The following NARS2 variants were observed in gnomAD, a reference collection of about 807,000 sequenced individuals.
NARS2 encodes the protein asparaginyl-tRNA synthetase.
NARS2 carries 60 observed loss-of-function variants against 62.9 expected under a neutral mutation model. That is an observed-to-expected ratio of 0.95 (90% CI 0.77 to 1.18). The LOEUF is 1.18. Among genes scored for constraint, NARS2 ranks in the 50% most tolerant of loss-of-function variants. The pLI, the probability that NARS2 is intolerant of heterozygous loss-of-function variation, is 0.00. For synonymous variants in NARS2, 196 were observed against 200.0 expected (o/e 0.98, Z 0.17); for missense variants, 619 against 576.4 (o/e 1.07, Z -0.76).
intron 7 of NARS2, among the ~76,000 whole-genome samples, chr11:78,483,018 G>C (rs867702911): frequency 6.6e-6 from 1 of 152,112 alleles, no homozygotes; most frequent in African/African-American, 2.4e-5. Flanking sequence ...AAATCCAGCA[G>C]CACATCAAAA....
chr11:78,465,409 G>A (rs552013779), intron 11 of NARS2, among the ~76,000 whole-genome samples: 73 of 152,382 alleles, frequency 4.8e-4, no homozygotes, highest in African/African-American at 1.4e-3. Context: ...CGCCAAGGCC[G>A]AGGAGGCGCC....
intron 5 of NARS2, among the ~76,000 whole-genome samples, chr11:78,543,025 TA>T (rs1855687844): frequency 6.6e-6 from 1 of 151,778 alleles, no homozygotes; most frequent in Admixed American, 6.6e-5. Context: ...TAATCAAGAG[TA>T]AGTTAGCCAA....
chr11:78,495,258 C>T (rs1860009977), intron 6 of NARS2, among the ~76,000 whole-genome samples: 1 of 152,174 alleles, frequency 6.6e-6, no homozygotes, highest in African/African-American at 2.4e-5. Context: ...CTTCTCCTTT[C>T]CTAGCGTGTC....
At chr11:78,486,485 T>A (rs1359898869) in intron 7 of NARS2, among the ~76,000 whole-genome samples, 1 of 152,208 alleles carries the variant, frequency 6.6e-6, no homozygotes, top group Non-Finnish European at 1.5e-5. Flanking sequence ...TTCCAGACTA[T>A]GAGTAGCACA....
Position 78,485,856 on chromosome 11 carries a change from T to A in NARS2, c.823-7173A>T, listed in dbSNP as rs917852876. 3.9e-5 allele frequency among the ~76,000 whole-genome samples: 6 copies of A among 152,062 alleles called. No homozygotes were observed. In the South Asian group the frequency reaches 1.2e-3, roughly 32 times the overall value. ...AGACTGCTGTTTTGAAGAGCGTGGATGTGGGTAATCTCTATTATTATTACT... is the reference window on the plus strand; with the variant it reads ...AGACTGCTGTTTTGAAGAGCGTGGAAGTGGGTAATCTCTATTATTATTACT... On this transcript the variant is annotated intron_variant, in intron 7 of 13. Coordinates refer to ENST00000281038, the MANE Select transcript of NARS2 (RefSeq NM_024678.6).
intron 9 of NARS2, among the ~76,000 whole-genome samples, chr11:78,475,762 AATTT>A (rs1400552695): frequency 2.0e-5 from 3 of 151,392 alleles, no homozygotes; most frequent in Non-Finnish European, 4.4e-5. Flanking sequence ...ACACCTGACT[AATTT>A]ATTTATTTAT....
chr11:78,522,168 A>G (rs1198363386), intron 6 of NARS2, among the ~76,000 whole-genome samples: 1 of 149,496 alleles, frequency 6.7e-6, no homozygotes, highest in African/African-American at 2.5e-5. Context: ...GTGTTGCCCA[A>G]GCTGGTCTCA....
intron 5 of NARS2, among the ~76,000 whole-genome samples, chr11:78,531,199 G>C (rs1861466189): frequency 6.6e-6 from 1 of 151,906 alleles, no homozygotes; most frequent in South Asian, 2.1e-4. Context: ...AAGGTTTATA[G>C]CAATCAAGCA....
At chr11:78,463,496 G>T (rs1275617460) in intron 11 of NARS2, among the ~76,000 whole-genome samples, 1 of 152,130 alleles carries the variant, frequency 6.6e-6, no homozygotes, top group Non-Finnish European at 1.5e-5. Flanking sequence ...GACCAGCCTG[G>T]CCAACATGGT....
At chr11:78,461,783 C>CA (rs56753439) in intron 11 of NARS2, among the ~76,000 whole-genome samples, 9,538 of 92,958 alleles carry the variant, frequency 0.1, 1,276 homozygotes, top group African/African-American at 0.31. Flanking sequence ...GTACCCACTA[C>CA]AAAAAAAAAA....
chr11:78,519,015 G>A (rs1861016402), intron 6 of NARS2, among the ~76,000 whole-genome samples: 1 of 151,998 alleles, frequency 6.6e-6, no homozygotes, highest in Non-Finnish European at 1.5e-5. Flanking sequence ...TGCAAGACAC[G>A]AATCATAATC....
At chr11:78,551,848 T>C (rs1224705476) in intron 5 of NARS2, among the ~76,000 whole-genome samples, 1 of 150,398 alleles carries the variant, frequency 6.6e-6, no homozygotes, top group Non-Finnish European at 1.5e-5. Flanking sequence ...CGAGACTTTG[T>C]CTCAAAAAAA....
chr11:78,547,397 GA>G (rs371740417), intron 5 of NARS2, among the ~76,000 whole-genome samples: 3 of 150,276 alleles, frequency 2.0e-5, no homozygotes, highest in Admixed American at 6.6e-5. Context: ...CATGTAACAG[GA>G]AAAAAAAATA....
At chr11:78,519,879 G>A (rs1861049830) in intron 6 of NARS2, among the ~76,000 whole-genome samples, 1 of 151,938 alleles carries the variant, frequency 6.6e-6, no homozygotes, top group Admixed American at 6.6e-5. Flanking sequence ...TTTTTTAGTA[G>A]AGACGGGGTT....
At chr11:78,565,899 C>T (rs989525075) in intron 4 of NARS2, among the ~76,000 whole-genome samples, 5 of 152,108 alleles carry the variant, frequency 3.3e-5, no homozygotes, top group Non-Finnish European at 5.9e-5. Flanking sequence ...AGGATCAAAG[C>T]GATATCAATA....
chr11:78,502,968 T>G (rs1860337923), intron 6 of NARS2, among the ~76,000 whole-genome samples: 1 of 112,242 alleles, frequency 8.9e-6, no homozygotes. Flanking sequence ...CACTCCAGCC[T>G]GGGTAACAGA....
intron 5 of NARS2, among the ~76,000 whole-genome samples, chr11:78,530,261 A>AT (rs1861430383): frequency 6.6e-6 from 1 of 152,152 alleles, no homozygotes; most frequent in Non-Finnish European, 1.5e-5. Flanking sequence ...ATATGTTAAG[A>AT]TTTTAAAATA....
At chr11:78,437,503 G>T (rs535493225) in intron 13 of NARS2, among the ~76,000 whole-genome samples, 1 of 152,082 alleles carries the variant, frequency 6.6e-6, no homozygotes, top group African/African-American at 2.4e-5. Context: ...ACCCATCCAC[G>T]CACATTCTTT....
intron 5 of NARS2, among the ~76,000 whole-genome samples, chr11:78,537,670 A>G (rs1246750530): frequency 6.6e-6 from 1 of 152,204 alleles, no homozygotes; most frequent in Admixed American, 6.5e-5. Flanking sequence ...GCATGGAGGC[A>G]CGTGCCTGTA....
Sources: gnomAD v4.1 joint callset for allele counts (sites outside exome capture counted in the v4.1 genomes callset) on GRCh38, gnomAD v4.1.1 for gene constraint, MANE v1.5 for transcripts, NCBI Gene and HGNC (gene_info 2026-07-23, HGNC 2026-07-21) for gene names.